PKD2L1: variants seen among roughly 807,000 people sequenced by gnomAD.
PKD2L1 encodes the protein polycystin-2-like protein 1.
PKD2L1 carries 77 observed loss-of-function variants against 93.0 expected under a neutral mutation model. The observed-to-expected ratio is 0.83, with a 90% confidence interval of 0.69 to 1.00. The LOEUF (loss-of-function observed/expected upper bound fraction) is 1.00, where lower values mean the gene tolerates loss of function less well. PKD2L1 is among the 50% of genes least tolerant of loss of function. PKD2L1 has a pLI of 0.00. For missense variants in PKD2L1, 977 were observed against 990.9 expected (o/e 0.99, Z 0.19); for synonymous variants, 390 against 388.0 (o/e 1.01, Z -0.06).
chr10:100,297,255 C>G (rs78113308), intron 5 of PKD2L1, 47 bp from the exon 6 acceptor site: 5 of 1,551,280 alleles, frequency 3.2e-6, no homozygotes, highest in Non-Finnish European at 4.4e-6. Flanking sequence ...TTCGCTGGGA[C>G]GGCTCCTCCC....
chr10:100,305,603 T>C (rs941802083), intron 2 of PKD2L1, among the ~76,000 whole-genome samples: 18 of 152,168 alleles, frequency 1.2e-4, no homozygotes, highest in African/African-American at 2.9e-4. Context: ...CAGTCCTTGA[T>C]TGACCTAGCA....
chr10:100,298,592 T>G lies in PKD2L1; in HGVS notation c.701A>C (p.Gln234Pro), dbSNP rs1477918715. 6.2e-7 allele frequency: 1 copy of G among 1,614,066 alleles called. No homozygotes were observed. The change falls in exon 4 of 16, where the codon CAA becomes CCA. Residue 234 changes from glutamine to proline, a missense_variant. Coordinates refer to ENST00000318222, the MANE Select transcript of PKD2L1 (RefSeq NM_016112.3). Reference protein sequence around the residue: ...YDVYSPDKEEQLPFGPFNGTA... With the variant: ...YDVYSPDKEEPLPFGPFNGTA... ...GCCATTGAAGGGCCCAAAGGGGAGT[T>G]GTTCTTCTTTGTCTGGAGAGTAGAC...
At chr10:100,320,000 G>T (rs752877410) in intron 2 of PKD2L1, among the ~76,000 whole-genome samples, 1 of 152,220 alleles carries the variant, frequency 6.6e-6, no homozygotes, top group Non-Finnish European at 1.5e-5. Context: ...TGATGGTGTG[G>T]GCCCAGTGGG....
intron 2 of PKD2L1, among the ~76,000 whole-genome samples, 185 bp from the exon 3 acceptor site, chr10:100,299,903 G>A (rs1235549474): frequency 6.6e-6 from 1 of 152,154 alleles, no homozygotes; most frequent in Non-Finnish European, 1.5e-5. Context: ...TTAGGAAAGG[G>A]TTGTAGCTAC....
chr10:100,290,353 A>C (rs758428382), intron 13 of PKD2L1, 48 bp downstream of exon 13: 2 of 1,359,798 alleles, frequency 1.5e-6, no homozygotes, highest in Non-Finnish European at 2.1e-6. Context: ...AGGGTATCGT[A>C]ATAGAAGTGT....
intron 2 of PKD2L1, among the ~76,000 whole-genome samples, chr10:100,318,869 T>C (rs1186974675): frequency 2.1e-5 from 3 of 144,416 alleles, no homozygotes; most frequent in Non-Finnish European, 4.6e-5. Context: ...TTTTTTTAGA[T>C]GGAATCTCAC....
intron 7 of PKD2L1, among the ~76,000 whole-genome samples, chr10:100,295,509 ATGGC>A (rs2134380335): frequency 6.6e-6 from 1 of 150,980 alleles, no homozygotes; most frequent in African/African-American, 2.4e-5. Context: ...AGGCAGGTGG[ATGGC>A]TCAAGGTCAG....
intron 2 of PKD2L1, among the ~76,000 whole-genome samples, chr10:100,314,990 GGAA>G (rs1430060737): frequency 2.2e-4 from 3 of 13,408 alleles, no homozygotes; most frequent in African/African-American, 4.6e-4. Flanking sequence ...AAGGAAGGAA[GGAA>G]GGAAGGAAGG....
chr10:100,302,280 C>CACACACACACACACAT (rs1554916598), intron 2 of PKD2L1, among the ~76,000 whole-genome samples: 3 of 150,850 alleles, frequency 2.0e-5, no homozygotes, highest in African/African-American at 4.9e-5. Context: ...CACACACACA[C>CACACACACACACACAT]ATATCAATTA....
chr10:100,327,023 C>T (rs1849394492), intron 2 of PKD2L1, among the ~76,000 whole-genome samples: 1 of 152,180 alleles, frequency 6.6e-6, no homozygotes, highest in South Asian at 2.1e-4. Context: ...ACAGGAACAC[C>T]TCAGTAGTTG....
At chr10:100,329,788 C>A in intron 1 of PKD2L1, 81 bp downstream of exon 1, 1 of 951,158 alleles carries the variant, frequency 1.1e-6, no homozygotes, top group South Asian at 1.5e-5. Context: ...GATCACATTC[C>A]ACCCCCACCC....
In PKD2L1 at chr10:100,290,485, CG is replaced by C; in HGVS notation, c.2041del (p.Arg681AspfsTer4). The C allele has an allele frequency of 6.2e-7, 1 of 1,613,314 alleles. No individual in the cohort carries two copies. The highest frequency in any genetic ancestry group is 1.7e-5 in the Admixed American group (1 of 60,008). On this transcript the variant is annotated frameshift_variant, in exon 13 of 16. Transcript: ENST00000318222. LOFTEE classifies it high-confidence loss of function. Reference sequence around the variant, plus strand: ...GCCTTGTGGGCTGCTCACAATAGATCGGCCTAGTTTCTCAATCTCAGTGTTG... The same window carrying C: ...GCCTTGTGGGCTGCTCACAATAGATCGCCTAGTTTCTCAATCTCAGTGTTG... Reference protein sequence around the residue: ...ALNTEIEKLGRSIVSSPQGKS... With the variant: ...ALNTEIEKLGXSIVSSPQGKS...
At chr10:100,315,000 AAGG>A (rs1849053910) in intron 2 of PKD2L1, among the ~76,000 whole-genome samples, 1 of 12,026 alleles carries the variant, frequency 8.3e-5, no homozygotes, top group Non-Finnish European at 1.3e-4. Flanking sequence ...GGAAGGAAGG[AAGG>A]AAGGAAGGAA....
chr10:100,301,464 C>CG (rs1554916398), intron 2 of PKD2L1, among the ~76,000 whole-genome samples: 1 of 150,812 alleles, frequency 6.6e-6, no homozygotes, highest in Non-Finnish European at 1.5e-5. Context: ...GCCCCCCCCC[C>CG]GGGAATGCAT....
At chr10:100,293,158 A>G in intron 10 of PKD2L1, 89 bp from the exon 11 acceptor site, 1 of 1,586,558 alleles carries the variant, frequency 6.3e-7, no homozygotes, top group Non-Finnish European at 8.6e-7. Flanking sequence ...CCAGGCTTCC[A>G]AGGATAAATT....
chr10:100,320,168 G>T (rs969351189), intron 2 of PKD2L1, among the ~76,000 whole-genome samples: 1 of 152,314 alleles, frequency 6.6e-6, no homozygotes. Context: ...TGGAAAGAAA[G>T]AAAAATATTG....
intron 2 of PKD2L1, among the ~76,000 whole-genome samples, chr10:100,312,879 G>T (rs1260454310): frequency 6.6e-6 from 1 of 151,512 alleles, no homozygotes; most frequent in Non-Finnish European, 1.5e-5. Flanking sequence ...CGGCCCCCTA[G>T]ATAGCATTGC....
At chr10:100,328,177 T>C (rs966300340) in intron 2 of PKD2L1, among the ~76,000 whole-genome samples, 5 of 152,214 alleles carry the variant, frequency 3.3e-5, no homozygotes, top group African/African-American at 1.2e-4. Flanking sequence ...ATAAACCAAA[T>C]ACAAAGTTGC....
At chr10:100,298,525 G>A (rs1346465530) in intron 4 of PKD2L1, 37 bp downstream of exon 4, 1 of 1,605,702 alleles carries the variant, frequency 6.2e-7, no homozygotes, top group Non-Finnish European at 8.5e-7. Context: ...GTTTAGAGGG[G>A]CAAGCCCTGT....
Sources: gnomAD v4.1 joint callset for allele counts (sites outside exome capture counted in the v4.1 genomes callset) on GRCh38, gnomAD v4.1.1 for gene constraint, MANE v1.5 for transcripts, NCBI Gene and HGNC (gene_info 2026-07-23, HGNC 2026-07-21) for gene names.